The following KCNB2 variants were observed in gnomAD, a reference collection of about 807,000 sequenced individuals.
The protein encoded by KCNB2 is potassium voltage-gated channel subfamily B member 2.
KCNB2 carries 15 observed loss-of-function variants against 61.5 expected under a neutral mutation model. The ratio of observed to expected loss-of-function variants is 0.24; its 90% CI spans 0.16 to 0.38. The LOEUF is 0.38. Ranked by LOEUF, KCNB2 falls within the 10% of genes least tolerant of loss-of-function variation. The pLI, the probability that KCNB2 is intolerant of heterozygous loss-of-function variation, is 1.00. For synonymous variants in KCNB2, 457 were observed against 446.0 expected (o/e 1.02, Z -0.31); for missense variants, 828 against 1,125.2 (o/e 0.74, Z 3.78).
chr8:72,806,769 C>T (rs1410115941), intron 2 of KCNB2, among the ~76,000 whole-genome samples: 1 of 152,018 alleles, frequency 6.6e-6, no homozygotes, highest in Non-Finnish European at 1.5e-5. Context: ...AGGTAGTGGA[C>T]AAGGATGGGT....
chr8:72,690,109 A>AT (rs985179188), intron 2 of KCNB2, among the ~76,000 whole-genome samples: 11 of 152,070 alleles, frequency 7.2e-5, no homozygotes, highest in African/African-American at 2.4e-4. Flanking sequence ...TAAGAAATAT[A>AT]TTTTTTTCTG....
At chr8:72,851,968 C>G (rs1387620265) in intron 2 of KCNB2, among the ~76,000 whole-genome samples, 1 of 151,906 alleles carries the variant, frequency 6.6e-6, no homozygotes, top group Non-Finnish European at 1.5e-5. Flanking sequence ...GGGCGTGGTG[C>G]CCCGTGCCTG....
chr8:72,715,947 CA>C (rs1369525799), intron 2 of KCNB2, among the ~76,000 whole-genome samples: 17 of 152,060 alleles, frequency 1.1e-4, no homozygotes, highest in Admixed American at 1.1e-3. Context: ...AGAGAAGAAT[CA>C]AATAGATGCA....
At chr8:72,716,961 A>G (rs1204940774) in intron 2 of KCNB2, among the ~76,000 whole-genome samples, 1 of 152,048 alleles carries the variant, frequency 6.6e-6, no homozygotes, top group East Asian at 1.9e-4. Flanking sequence ...CAACTTCAGC[A>G]AAGTCTCAGG....
chr8:72,629,893 A>G (rs1416813645), intron 2 of KCNB2, among the ~76,000 whole-genome samples: 2 of 152,208 alleles, frequency 1.3e-5, no homozygotes, highest in Non-Finnish European at 2.9e-5. Context: ...AGATGAAGTC[A>G]CATTTTTCAA....
At chr8:72,592,453 C>CTG (rs10676983) in intron 2 of KCNB2, among the ~76,000 whole-genome samples, 49,799 of 149,434 alleles carry the variant, frequency 0.33, 8,437 homozygotes, top group East Asian at 0.54. Context: ...ATTATCAACT[C>CTG]TGTGTGTGTG....
chr8:72,598,431 G>A (rs989133495), intron 2 of KCNB2, among the ~76,000 whole-genome samples: 1 of 152,168 alleles, frequency 6.6e-6, no homozygotes, highest in Non-Finnish European at 1.5e-5. Flanking sequence ...CAATAAATTA[G>A]GTATTGATGG....
chr8:72,861,111 T>A (rs1805399605), intron 2 of KCNB2, among the ~76,000 whole-genome samples: 1 of 152,228 alleles, frequency 6.6e-6, no homozygotes, highest in African/African-American at 2.4e-5. Flanking sequence ...TACATTCATT[T>A]ATATGTTCTC....
chr8:72,717,191 T>C (rs569932115), intron 2 of KCNB2, among the ~76,000 whole-genome samples: 1 of 152,356 alleles, frequency 6.6e-6, no homozygotes, highest in Admixed American at 6.5e-5. Flanking sequence ...GAACATTCCA[T>C]GCTCATAGGT....
intron 2 of KCNB2, among the ~76,000 whole-genome samples, chr8:72,688,224 T>C (rs908852258): frequency 1.3e-5 from 2 of 152,230 alleles, no homozygotes; most frequent in African/African-American, 4.8e-5. Flanking sequence ...TTCATGGTCC[T>C]GTAACTTTCA....
intron 2 of KCNB2, among the ~76,000 whole-genome samples, chr8:72,714,328 C>T (rs549062357): frequency 7.2e-5 from 11 of 152,008 alleles, no homozygotes; most frequent in South Asian, 2.1e-4. Context: ...AGATACTCCT[C>T]GAGAAGAGCA....
chr8:72,871,817 A>C (rs1323010965), intron 2 of KCNB2, among the ~76,000 whole-genome samples: 5 of 152,248 alleles, frequency 3.3e-5, no homozygotes, highest in Admixed American at 6.5e-5. Flanking sequence ...TTACCTTTAC[A>C]GCTAAAAAGT....
At chr8:72,543,325 ATGCT>A (rs1168969753) in intron 1 of KCNB2, among the ~76,000 whole-genome samples, 6 of 152,226 alleles carry the variant, frequency 3.9e-5, no homozygotes, top group African/African-American at 1.4e-4. Context: ...ACTAAAATAG[ATGCT>A]TGCTACTTAA....
intron 2 of KCNB2, among the ~76,000 whole-genome samples, chr8:72,827,067 T>C (rs1809607019): frequency 6.6e-6 from 1 of 152,242 alleles, no homozygotes; most frequent in Non-Finnish European, 1.5e-5. Context: ...CTTGAATTTC[T>C]GTAATATTAG....
rs549377993 is a variant in KCNB2, at chr8:72,935,946, C to T, written c.591C>T (p.Ile197=). The T allele has an allele frequency of 1.9e-6, 3 of 1,611,294 alleles. No individual in the cohort carries two copies. Among genetic ancestry groups the T allele is most frequent in the African/African-American group, 1.3e-5 (1 of 75,004 alleles). The change falls in exon 3 of 3, where the codon ATC becomes ATT. Residue 197 remains isoleucine (I), a synonymous_variant. Transcript: ENST00000523207. ...TTTCTCTTTTCCAGATCCTGGCCATCGTGTCTATCCTGTTCATTGTGCTTT... is the reference window on the plus strand; with the variant it reads ...TTTCTCTTTTCCAGATCCTGGCCATTGTGTCTATCCTGTTCATTGTGCTTT... The part of the protein sequence containing the change: ...NSSVAAKILA[I]VSILFIVLST...
At chr8:72,686,479 C>T (rs1284481678) in intron 2 of KCNB2, among the ~76,000 whole-genome samples, 2 of 152,066 alleles carry the variant, frequency 1.3e-5, no homozygotes, top group Non-Finnish European at 1.5e-5. Flanking sequence ...TCTCAAAGTA[C>T]TGGGATTACA....
chr8:72,720,453 G>T (rs1038269186), intron 2 of KCNB2, among the ~76,000 whole-genome samples: 1 of 152,060 alleles, frequency 6.6e-6, no homozygotes, highest in African/African-American at 2.4e-5. Flanking sequence ...ATCTTCAAAA[G>T]GAATCTTTCT....
At chr8:72,861,786 CT>C (rs1445636971) in intron 2 of KCNB2, among the ~76,000 whole-genome samples, 1 of 152,200 alleles carries the variant, frequency 6.6e-6, no homozygotes, top group Non-Finnish European at 1.5e-5. Flanking sequence ...AGTTTACTTA[CT>C]GTTAATTATG....
intron 2 of KCNB2, among the ~76,000 whole-genome samples, chr8:72,837,219 G>A (rs1809797631): frequency 6.6e-6 from 1 of 152,134 alleles, no homozygotes; most frequent in African/African-American, 2.4e-5. Flanking sequence ...ACCACACTAT[G>A]TCTGTAGTTC....
Sources: allele counts gnomAD v4.1 joint callset (sites outside exome capture counted in the v4.1 genomes callset), GRCh38; gene constraint gnomAD v4.1.1; transcripts MANE v1.5; gene names NCBI Gene and HGNC (gene_info 2026-07-23, HGNC 2026-07-21).